CDKAL1: variants seen among roughly 807,000 people sequenced by gnomAD.
The protein encoded by CDKAL1 is threonylcarbamoyladenosine tRNA methylthiotransferase.
In CDKAL1, 32 loss-of-function variants were observed where a neutral mutation model predicts 68.2. The observed-to-expected ratio is 0.47, with a 90% CI of 0.35 to 0.63. The LOEUF (loss-of-function observed/expected upper bound fraction) is 0.63. Ranked by LOEUF, CDKAL1 falls within the 30% of genes least tolerant of loss-of-function variation. CDKAL1 has a pLI of 0.00. For synonymous variants in CDKAL1, 234 were observed against 244.3 expected (o/e 0.96, Z 0.39); for missense variants, 606 against 696.7 (o/e 0.87, Z 1.47).
rs1157309068 is a variant in CDKAL1 at position 20,750,971 on chromosome 6, A to G, written c.469-7624A>G. On this transcript the variant is annotated intron_variant, in intron 6 of 15. Coordinates refer to ENST00000274695, the MANE Select transcript of CDKAL1 (RefSeq NM_017774.3). ...AGAGTGAAAAAAAAAAAAAAAAAAA[A>G]AAAAAAAAAAAAAAGAAGTAACAGT... 4.7e-5 allele frequency among the ~76,000 whole-genome samples: 7 copies of G among 149,652 alleles called. No individual in the cohort carries two copies. In the East Asian group the frequency reaches 7.8e-4, roughly 17 times the overall value.
intron 15 of CDKAL1, among the ~76,000 whole-genome samples, chr6:21,219,318 A>C (rs1438413919): frequency 6.6e-6 from 1 of 152,198 alleles, no homozygotes; most frequent in Non-Finnish European, 1.5e-5. Flanking sequence ...TATCTAATAC[A>C]ATGCCTACAC....
At chr6:21,046,110 T>A (rs2150903698) in intron 11 of CDKAL1, among the ~76,000 whole-genome samples, 1 of 152,334 alleles carries the variant, frequency 6.6e-6, no homozygotes, top group East Asian at 1.9e-4. Context: ...ATCTCACTGA[T>A]TACTCTGAGG....
intron 9 of CDKAL1, among the ~76,000 whole-genome samples, chr6:20,874,173 C>CT (rs765682590): frequency 6.6e-6 from 1 of 152,124 alleles, no homozygotes; most frequent in Non-Finnish European, 1.5e-5. Flanking sequence ...TGCCCTCAAC[C>CT]ATGGAAACAA....
intron 15 of CDKAL1, among the ~76,000 whole-genome samples, chr6:21,212,017 T>TCAGCA (rs1321470454): frequency 1.3e-5 from 2 of 152,176 alleles, no homozygotes; most frequent in Non-Finnish European, 2.9e-5. Context: ...AGCCTCAGCC[T>TCAGCA]CTTAGAGTGC....
chr6:20,688,920 T>G (rs1235969318), intron 5 of CDKAL1, among the ~76,000 whole-genome samples: 1 of 152,224 alleles, frequency 6.6e-6, no homozygotes, highest in Admixed American at 6.5e-5. Flanking sequence ...TGTAATCCAC[T>G]GATTAGGTCT....
At chr6:20,820,529 C>T (rs1777234848) in intron 8 of CDKAL1, among the ~76,000 whole-genome samples, 1 of 152,126 alleles carries the variant, frequency 6.6e-6, no homozygotes, top group Admixed American at 6.6e-5. Context: ...GGCTAACTTG[C>T]TTTTGATGCG....
At chr6:20,537,814 C>G (rs7753670) in intron 2 of CDKAL1, among the ~76,000 whole-genome samples, 1 of 152,072 alleles carries the variant, frequency 6.6e-6, no homozygotes, top group Non-Finnish European at 1.5e-5. Flanking sequence ...AGCTATTACG[C>G]TGCTTTCCTT....
At chr6:20,829,511 T>C (rs1411335144) in intron 8 of CDKAL1, among the ~76,000 whole-genome samples, 1 of 152,200 alleles carries the variant, frequency 6.6e-6, no homozygotes, top group East Asian at 1.9e-4. Flanking sequence ...ACGAAAACTT[T>C]CTTGGGTAGA....
chr6:20,988,411 G>A (rs1389887530), intron 10 of CDKAL1, among the ~76,000 whole-genome samples: 1 of 152,106 alleles, frequency 6.6e-6, no homozygotes. Context: ...GCATTCAGTA[G>A]CCCTGTCAAC....
At chr6:20,920,006 A>G (rs1762879324) in intron 9 of CDKAL1, among the ~76,000 whole-genome samples, 1 of 152,158 alleles carries the variant, frequency 6.6e-6, no homozygotes, top group African/African-American at 2.4e-5. Context: ...GTGCAGCTGA[A>G]AACAGTGACA....
chr6:21,106,816 C>A (rs1407378772), intron 12 of CDKAL1, among the ~76,000 whole-genome samples: 2 of 152,098 alleles, frequency 1.3e-5, no homozygotes, highest in Non-Finnish European at 2.9e-5. Context: ...ATAGAATGAC[C>A]TCTTTTCTTT....
At chr6:21,223,600 C>T (rs1392587874) in intron 15 of CDKAL1, among the ~76,000 whole-genome samples, 1 of 152,144 alleles carries the variant, frequency 6.6e-6, no homozygotes, top group Non-Finnish European at 1.5e-5. Context: ...GACTTCCTTC[C>T]ATTGGAAGCC....
chr6:21,026,622 T>G (rs536045100), intron 11 of CDKAL1, among the ~76,000 whole-genome samples: 2 of 152,296 alleles, frequency 1.3e-5, no homozygotes, highest in Non-Finnish European at 2.9e-5. Context: ...CTGAGTCACA[T>G]TCAGGAGGGC....
At chr6:20,563,949 C>G (rs1764364285) in intron 4 of CDKAL1, among the ~76,000 whole-genome samples, 1 of 152,108 alleles carries the variant, frequency 6.6e-6, no homozygotes, top group Non-Finnish European at 1.5e-5. Flanking sequence ...TAAAAACGAG[C>G]AATTTTAAGC....
chr6:20,819,017 AT>A (rs1458391215), intron 8 of CDKAL1, among the ~76,000 whole-genome samples: 1 of 152,088 alleles, frequency 6.6e-6, no homozygotes, highest in African/African-American at 2.4e-5. Context: ...TAAAACAATC[AT>A]TTTGTTGAAC....
At chr6:21,009,717 A>G (rs1024640255) in intron 11 of CDKAL1, among the ~76,000 whole-genome samples, 3 of 152,228 alleles carry the variant, frequency 2.0e-5, no homozygotes, top group African/African-American at 7.2e-5. Context: ...ACCAAAGGTC[A>G]TTATGTTAAC....
intron 4 of CDKAL1, among the ~76,000 whole-genome samples, chr6:20,623,797 A>T (rs1015451137): frequency 4.6e-5 from 7 of 152,060 alleles, no homozygotes; most frequent in African/African-American, 1.7e-4. Context: ...GTCTGGAGCC[A>T]GACTGTTAAG....
At chr6:20,935,135 C>T (rs188063272) in intron 9 of CDKAL1, among the ~76,000 whole-genome samples, 86 of 152,228 alleles carry the variant, frequency 5.6e-4, no homozygotes, top group Non-Finnish European at 1.1e-3. Flanking sequence ...ACCTCAAGAT[C>T]CGCCTGCCTT....
chr6:21,101,435 G>A (rs1773571471), intron 12 of CDKAL1, among the ~76,000 whole-genome samples: 1 of 152,154 alleles, frequency 6.6e-6, no homozygotes, highest in Non-Finnish European at 1.5e-5. Flanking sequence ...AGAAGCAGTG[G>A]CCAAATCTAG....
Sources: gnomAD v4.1 joint callset for allele counts (sites outside exome capture counted in the v4.1 genomes callset) on GRCh38, gnomAD v4.1.1 for gene constraint, MANE v1.5 for transcripts, NCBI Gene and HGNC (gene_info 2026-07-23, HGNC 2026-07-21) for gene names.